Variants in TRIM55 observed in about 807,000 individuals in gnomAD.
TRIM55 encodes the protein tripartite motif containing 55.
TRIM55 carries 50 observed loss-of-function variants against 60.9 expected under a neutral mutation model. The ratio of observed to expected loss-of-function variants is 0.82; its 90% CI spans 0.65 to 1.04. TRIM55 has a LOEUF of 1.04. Ranked by LOEUF, TRIM55 falls within the 50% of genes least tolerant of loss-of-function variation. The pLI is 0.00. For missense variants in TRIM55, 681 were observed against 666.9 expected (o/e 1.02, Z -0.23); for synonymous variants, 237 against 238.1 (o/e 1.00, Z 0.04).
intron 9 of TRIM55, among the ~76,000 whole-genome samples, chr8:66,168,912 G>T (rs73251668): frequency 1.3e-5 from 2 of 152,160 alleles, no homozygotes; most frequent in African/African-American, 4.8e-5. Flanking sequence ...TGTCTTCGTT[G>T]CAATGCATCT....
At chr8:66,138,686 G>A (rs920485333) in intron 4 of TRIM55, among the ~76,000 whole-genome samples, 2 of 152,236 alleles carry the variant, frequency 1.3e-5, no homozygotes, top group African/African-American at 4.8e-5. Context: ...ACCACGCCCA[G>A]CCAGCATTAT....
chr8:66,157,920 C>T (rs7843038), intron 9 of TRIM55, among the ~76,000 whole-genome samples: 27,259 of 152,094 alleles, frequency 0.18, 4,240 homozygotes, highest in African/African-American at 0.43. Flanking sequence ...GACAGGACCA[C>T]TACTTTTTGT....
At chr8:66,165,348 G>A (rs61270178) in intron 9 of TRIM55, among the ~76,000 whole-genome samples, 9 of 152,170 alleles carry the variant, frequency 5.9e-5, no homozygotes, top group African/African-American at 1.9e-4. Flanking sequence ...AGACTGAGAG[G>A]TGAGAGATGC....
intron 4 of TRIM55, among the ~76,000 whole-genome samples, chr8:66,142,274 G>C (rs534886990): frequency 9.2e-5 from 14 of 152,182 alleles, no homozygotes; most frequent in Non-Finnish European, 1.9e-4. Context: ...AAGACTATCA[G>C]GTCCTAGTTA....
At chr8:66,123,711 A>T (rs1337048314), upstream of TRIM55, among the ~76,000 whole-genome samples, 1 of 152,186 alleles carries the variant, frequency 6.6e-6, no homozygotes, top group African/African-American at 2.4e-5. Flanking sequence ...TTAAAAAATT[A>T]GCTGGGCATA....
At chr8:66,116,952 T>G in the TRIM55 span, among the ~76,000 whole-genome samples, 3 of 152,094 alleles carry the variant, frequency 2.0e-5, no homozygotes, top group Non-Finnish European at 4.4e-5. Context: ...AAAAGGAAAA[T>G]ACATTATGAC....
chr8:66,113,607 T>A, the TRIM55 span: 2 of 456,102 alleles, frequency 4.4e-6, no homozygotes, highest in African/African-American at 4.0e-5. Flanking sequence ...GTAATTCTTT[T>A]TAGCCATTCG....
the TRIM55 span, among the ~76,000 whole-genome samples, chr8:66,120,034 G>C: frequency 1.3e-5 from 2 of 152,094 alleles, no homozygotes; most frequent in Non-Finnish European, 2.9e-5. Context: ...CTCAAAAGAT[G>C]TGTCTCTCAG....
At chr8:66,140,327 C>T (rs1047985592) in intron 4 of TRIM55, among the ~76,000 whole-genome samples, 4 of 152,340 alleles carry the variant, frequency 2.6e-5, no homozygotes, top group East Asian at 1.9e-4. Flanking sequence ...TTCACTGCCT[C>T]CCTTATGTAT....
At chr8:66,152,752 A>G in intron 8 of TRIM55, 125 bp downstream of exon 8, 3 of 1,298,568 alleles carry the variant, frequency 2.3e-6, no homozygotes, top group Non-Finnish European at 3.1e-6. Flanking sequence ...CGTATATGGT[A>G]GACGAAAGAT....
chr8:66,129,849 T>C (rs1809038700), intron 2 of TRIM55, among the ~76,000 whole-genome samples: 1 of 152,256 alleles, frequency 6.6e-6, no homozygotes, highest in Admixed American at 6.5e-5. Context: ...AGAGAGTTTA[T>C]ATAACAAGAG....
At chr8:66,122,359 G>A (rs905631558), upstream of TRIM55, among the ~76,000 whole-genome samples, 1 of 152,060 alleles carries the variant, frequency 6.6e-6, no homozygotes, top group Non-Finnish European at 1.5e-5. Flanking sequence ...TCCCCGCTTC[G>A]AATCTTCCCG....
intron 9 of TRIM55, among the ~76,000 whole-genome samples, chr8:66,157,623 G>T (rs1362643933): frequency 1.3e-5 from 2 of 152,166 alleles, no homozygotes; most frequent in Admixed American, 1.3e-4. Context: ...GAGTAATGCT[G>T]CCTTTAAAAC....
At chr8:66,160,550 T>C (rs1381836685) in intron 9 of TRIM55, among the ~76,000 whole-genome samples, 1 of 152,178 alleles carries the variant, frequency 6.6e-6, no homozygotes, top group Non-Finnish European at 1.5e-5. Context: ...GTAGTGGTAT[T>C]GCTGGATCAA....
intron 4 of TRIM55, among the ~76,000 whole-genome samples, chr8:66,147,813 A>AAAAAAAAAAC (rs1554528462): frequency 1.4e-5 from 2 of 144,480 alleles, no homozygotes; most frequent in African/African-American, 5.4e-5. Flanking sequence ...AAAAAAAAAA[A>AAAAAAAAAAC]AAAACCACAA....
chr8:66,117,828 C>G, the TRIM55 span, among the ~76,000 whole-genome samples: 1 of 152,098 alleles, frequency 6.6e-6, no homozygotes, highest in African/African-American at 2.4e-5. Context: ...ACTGTCGCTG[C>G]TTATTTCTGG....
chr8:66,171,455 G>T (rs1811627782), intron 9 of TRIM55, among the ~76,000 whole-genome samples: 1 of 152,098 alleles, frequency 6.6e-6, no homozygotes, highest in South Asian at 2.1e-4. Flanking sequence ...TAGTATCTAA[G>T]GATGCATTTA....
At chr8:66,126,620 G>T (rs1240269472), upstream of TRIM55, among the ~76,000 whole-genome samples, 1 of 152,192 alleles carries the variant, frequency 6.6e-6, no homozygotes, top group Non-Finnish European at 1.5e-5. Flanking sequence ...AACCCCAGCT[G>T]ACAAAGATGA....
At chr8:66,126,758 C>T (rs1808834310), upstream of TRIM55, 1 of 152,256 alleles carries the variant, frequency 6.6e-6, no homozygotes, top group South Asian at 2.1e-4. Context: ...GACTCAATTC[C>T]TACACTCTCA....
Sources: allele counts gnomAD v4.1 joint callset (sites outside exome capture counted in the v4.1 genomes callset), GRCh38; gene constraint gnomAD v4.1.1; transcripts MANE v1.5; gene names NCBI Gene and HGNC (gene_info 2026-07-23, HGNC 2026-07-21).